Variants in TTC7A observed in about 807,000 individuals in gnomAD.
The protein encoded by TTC7A is tetratricopeptide repeat domain 7A.
Under a neutral mutation model 103.7 loss-of-function variants are expected in TTC7A, and 110 were observed. The ratio of observed to expected loss-of-function variants is 1.06; its 90% CI spans 0.91 to 1.24. The LOEUF is 1.24. Among genes scored for constraint, TTC7A ranks in the 50% most tolerant of loss-of-function variants. TTC7A has a pLI of 0.00. For missense variants in TTC7A, 1,340 were observed against 1,116.3 expected (o/e 1.20, Z -2.86); for synonymous variants, 521 against 467.9 (o/e 1.11, Z -1.47).
At chr2:47,004,710 T>G (rs1022405902) in intron 8 of TTC7A, among the ~76,000 whole-genome samples, 7 of 151,676 alleles carry the variant, frequency 4.6e-5, no homozygotes, top group Non-Finnish European at 1.5e-5. Context: ...CCCAGCAGCA[T>G]CTGCCCAGAA....
intron 2 of TTC7A, chr2:46,951,577 TTCTGTCTG>T (rs947608175): frequency 6.6e-6 from 3 of 455,608 alleles, no homozygotes; most frequent in Non-Finnish European, 8.8e-6. Flanking sequence ...CTTTCTGTCT[TTCTGTCTG>T]TCTTTATTTT....
chr2:46,918,626 G>A (rs1668942429), intron 2 of TTC7A, among the ~76,000 whole-genome samples: 1 of 152,220 alleles, frequency 6.6e-6, no homozygotes, highest in African/African-American at 2.4e-5. Flanking sequence ...GGTAGCCAGT[G>A]TTAAAAGACT....
At chr2:46,933,952 C>G (rs1669838927) in intron 2 of TTC7A, among the ~76,000 whole-genome samples, 1 of 152,164 alleles carries the variant, frequency 6.6e-6, no homozygotes, top group African/African-American at 2.4e-5. Context: ...GGGAGGGCAT[C>G]TCATTAGGCT....
intron 3 of TTC7A, among the ~76,000 whole-genome samples, chr2:46,972,437 T>C (rs1451420249): frequency 6.6e-6 from 1 of 152,240 alleles, no homozygotes; most frequent in Non-Finnish European, 1.5e-5. Context: ...TCAGTAGTGT[T>C]ATTTATGTTC....
intron 2 of TTC7A, among the ~76,000 whole-genome samples, chr2:46,927,815 A>T (rs1300209856): frequency 2.6e-5 from 4 of 151,908 alleles, no homozygotes; most frequent in Non-Finnish European, 5.9e-5. Flanking sequence ...AAACGTGAGA[A>T]GACATTTTTA....
intron 15 of TTC7A, among the ~76,000 whole-genome samples, chr2:47,032,342 G>T (rs1680636732): frequency 1.3e-5 from 2 of 152,222 alleles, no homozygotes; most frequent in African/African-American, 4.8e-5. Flanking sequence ...TCAATGTGCA[G>T]AGTAACTGTG....
chr2:46,963,494 T>A (rs968790371), intron 3 of TTC7A, among the ~76,000 whole-genome samples: 1 of 152,206 alleles, frequency 6.6e-6, no homozygotes. Flanking sequence ...AGCTTGGAGA[T>A]GGCAAAGTCC....
intron 19 of TTC7A, among the ~76,000 whole-genome samples, chr2:47,061,631 C>G (rs1683789924): frequency 6.6e-6 from 1 of 152,202 alleles, no homozygotes; most frequent in East Asian, 1.9e-4. Flanking sequence ...TTGTCCTGGC[C>G]TTACCTCTAC....
intron 14 of TTC7A, among the ~76,000 whole-genome samples, chr2:47,025,184 T>G (rs376721189): frequency 1.3e-5 from 2 of 152,108 alleles, no homozygotes; most frequent in East Asian, 1.9e-4. Context: ...AAGAAGCCCA[T>G]GTATTTGCTG....
intron 5 of TTC7A, among the ~76,000 whole-genome samples, chr2:46,982,006 T>G (rs1674516093): frequency 6.6e-6 from 1 of 152,206 alleles, no homozygotes; most frequent in African/African-American, 2.4e-5. Context: ...TGCCCTTTTC[T>G]CTTTCTCTCC....
intron 2 of TTC7A, among the ~76,000 whole-genome samples, chr2:46,930,517 T>G (rs57432179): frequency 0.086 from 12,477 of 145,672 alleles, 470 homozygotes; most frequent in Middle Eastern, 0.12. Context: ...TTTTTTTTTT[T>G]AGACAAAGTC....
chr2:47,068,878 AAAAAAAAAAG>A (rs1244062536), intron 19 of TTC7A, among the ~76,000 whole-genome samples: 1,742 of 140,978 alleles, frequency 0.012, 33 homozygotes, highest in African/African-American at 0.043. Flanking sequence ...AAAAAAAAAA[AAAAAAAAAAG>A]AAAGACTCAC....
chr2:47,006,838 T>G, intron 10 of TTC7A, 114 bp downstream of exon 10: 1 of 856,256 alleles, frequency 1.2e-6, no homozygotes, highest in Non-Finnish European at 1.9e-6. Flanking sequence ...TGCCGCTGGT[T>G]TGAACCTCCG....
intron 18 of TTC7A, among the ~76,000 whole-genome samples, chr2:47,052,595 C>T (rs552970620): frequency 6.6e-6 from 1 of 152,304 alleles, no homozygotes; most frequent in Admixed American, 6.5e-5. Context: ...CCGGGAGGGA[C>T]TCGCTGCCAA....
At chr2:46,994,561 G>T in intron 7 of TTC7A, 47 bp downstream of exon 7, 1 of 1,594,426 alleles carries the variant, frequency 6.3e-7, no homozygotes, top group Non-Finnish European at 8.6e-7. Context: ...CACATCTCAC[G>T]CAGGGTTCTG....
Position 46,941,549 on chromosome 2 carries a change from C to A in TTC7A, c.8C>A (p.Ala3Glu). ...GACAGCGCCCGCGAGAAGATGGCTG[C>A]GAAGGGCGCGCACGGCTCCTACCTG... MAAKGAHGSYLKV... is the reference protein window; with the variant it reads MAEKGAHGSYLKV... The change falls in exon 1 of 20, where the codon GCG becomes GAG. Residue 3 changes from alanine (A) to glutamate (E), a missense_variant. Transcript: ENST00000319190. The surrounding 1 kb of genome is among the most constrained non-coding windows in gnomAD (Gnocchi z 4.2). 6.4e-7 allele frequency: 1 copy of A among 1,554,032 alleles called. No individual in the cohort carries two copies. The highest frequency in any genetic ancestry group is 8.7e-7 in the Non-Finnish European group (1 of 1,149,194).
intron 2 of TTC7A, among the ~76,000 whole-genome samples, chr2:46,931,911 A>G (rs916539191): frequency 2.6e-5 from 4 of 152,206 alleles, no homozygotes; most frequent in African/African-American, 9.6e-5. Context: ...TAGGAAATTA[A>G]TACAACTAAG....
intron 15 of TTC7A, chr2:47,034,501 G>A (rs921600853): frequency 1.3e-5 from 2 of 152,240 alleles, no homozygotes; most frequent in Non-Finnish European, 2.9e-5. Flanking sequence ...TCTGTGGGGC[G>A]ATGGTTTTAG....
In TTC7A at chr2:46,958,330, G is replaced by C. The variant is rs1381071664; in HGVS notation, c.517+1323G>C. On this transcript the variant is annotated intron_variant, in intron 3 of 19. Coordinates refer to ENST00000319190, the MANE Select transcript of TTC7A (RefSeq NM_020458.4). ...CGCCTCTGGCACAGGCCAGTCTTGG[G>C]GGTGATCTGCATTTGGCATTTGGGT... Among the ~76,000 whole-genome samples, 4 of 152,248 alleles carry C rather than the reference G, an allele frequency of 2.6e-5. 1 individual carries two copies. The highest frequency in any genetic ancestry group is 2.6e-4 in the Admixed American group (4 of 15,290).
Sources: allele counts gnomAD v4.1 joint callset (sites outside exome capture counted in the v4.1 genomes callset), GRCh38; gene constraint gnomAD v4.1.1; non-coding constraint Gnocchi (gnomAD v3.1); transcripts MANE v1.5; gene names NCBI Gene and HGNC (gene_info 2026-07-23, HGNC 2026-07-21).